PHLPP1: variants seen among roughly 807,000 people sequenced by gnomAD.
PHLPP1 encodes the protein PH domain leucine-rich repeat-containing protein phosphatase 1.
A neutral mutation model predicts 117.2 loss-of-function variants in PHLPP1; 42 were observed. The ratio of observed to expected loss-of-function variants is 0.36; its 90% CI spans 0.28 to 0.46. The LOEUF (loss-of-function observed/expected upper bound fraction) is 0.46. PHLPP1 is among the 20% of genes least tolerant of loss of function. The pLI is 1.00. For missense variants in PHLPP1, 2,084 were observed against 2,241.9 expected (o/e 0.93, Z 1.42); for synonymous variants, 1,042 against 970.7 (o/e 1.07, Z -1.37).
chr18:62,731,499 C>G (rs1157729318), intron 1 of PHLPP1, among the ~76,000 whole-genome samples: 1 of 152,134 alleles, frequency 6.6e-6, no homozygotes, highest in Non-Finnish European at 1.5e-5. Context: ...CCATCTTTTT[C>G]CCTCTCCTGG....
intron 1 of PHLPP1, among the ~76,000 whole-genome samples, chr18:62,810,324 G>A (rs1024020398): frequency 6.6e-6 from 1 of 152,220 alleles, no homozygotes; most frequent in Non-Finnish European, 1.5e-5. Context: ...TTGCTGGTAA[G>A]AAGTGCTTGA....
At position 62,765,984 on chromosome 18, in the gene PHLPP1, C is replaced by T. The variant is rs189479709; in HGVS notation, c.1576+48725C>T. On this transcript the variant is annotated intron_variant, in intron 1 of 16. Coordinates refer to ENST00000262719, the MANE Select transcript of PHLPP1 (RefSeq NM_194449.4). Reference sequence around the variant, plus strand: ...CTGCACTCCAGCCTGGGCGACAGAGCGAGAAGGGGGAGCTTGCAGTGAGCC... The same window carrying T: ...CTGCACTCCAGCCTGGGCGACAGAGTGAGAAGGGGGAGCTTGCAGTGAGCC... Among the ~76,000 whole-genome samples the T allele has an allele frequency of 6.5e-3, 930 of 143,288 alleles. 7 individuals are homozygous for T. Among genetic ancestry groups the T allele is most frequent in the African/African-American group, 0.023 (878 of 38,628 alleles). The allele number at this position is 143,288 out of a possible 152,430, so 94.0% of individuals were successfully genotyped here. A position where few individuals can be genotyped will look rare whatever the true frequency, so the allele number is the denominator to read the frequency against.
chr18:62,767,267 G>A (rs1006402423), intron 1 of PHLPP1, among the ~76,000 whole-genome samples: 2 of 152,172 alleles, frequency 1.3e-5, no homozygotes, highest in Non-Finnish European at 2.9e-5. Flanking sequence ...CACTAAAACC[G>A]AGATTCCTTC....
intron 10 of PHLPP1, among the ~76,000 whole-genome samples, chr18:62,930,146 A>G (rs1909763965): frequency 6.6e-6 from 1 of 152,240 alleles, no homozygotes; most frequent in Non-Finnish European, 1.5e-5. Flanking sequence ...ATAAGTACAA[A>G]GATAACCATA....
chr18:62,963,147 A>C (rs565475041), intron 13 of PHLPP1, among the ~76,000 whole-genome samples: 1 of 152,242 alleles, frequency 6.6e-6, no homozygotes, highest in Admixed American at 6.5e-5. Flanking sequence ...TACGATGCTC[A>C]TTAAAACTAA....
intron 3 of PHLPP1, 47 bp downstream of exon 3, chr18:62,838,956 A>G (rs756049504): frequency 2.5e-6 from 4 of 1,606,124 alleles, no homozygotes; most frequent in South Asian, 2.2e-5. Flanking sequence ...CTAGCTGGCT[A>G]CAAAGTTCCT....
intron 13 of PHLPP1, 45 bp from the exon 14 acceptor site, chr18:62,963,323 A>G (rs931117953): frequency 2.3e-6 from 3 of 1,328,800 alleles, no homozygotes; most frequent in African/African-American, 2.9e-5. Flanking sequence ...ATTTGCACAC[A>G]TTTGGTTTTA....
intron 1 of PHLPP1, among the ~76,000 whole-genome samples, chr18:62,780,470 G>A (rs1006277840): frequency 2.0e-5 from 3 of 152,084 alleles, no homozygotes; most frequent in Admixed American, 2.0e-4. Flanking sequence ...TCCTACTTTA[G>A]CACATCAGTT....
At chr18:62,727,494 A>C (rs919367447) in intron 1 of PHLPP1, among the ~76,000 whole-genome samples, 1 of 151,636 alleles carries the variant, frequency 6.6e-6, no homozygotes, top group Non-Finnish European at 1.5e-5. Context: ...GCATGCTTGT[A>C]GTCCTAGCTA....
chr18:62,715,814 C>A lies in PHLPP1; in HGVS notation c.131C>A (p.Ala44Glu). Residue 44 changes from alanine to glutamate, a missense_variant, in exon 1 of 17, where the codon GCG (alanine) becomes GAG (glutamate). Physicochemically the swap from Ala to Glu is moderately radical, Grantham distance 107. Coordinates refer to ENST00000262719, the MANE Select transcript of PHLPP1 (RefSeq NM_194449.4). Reference sequence around the variant, plus strand: ...GCGGCCGCGGCGGCTCTGGCGGCGGCGGCCGGGGGCGGCCGGAGTCCGGAG... The same window carrying A: ...GCGGCCGCGGCGGCTCTGGCGGCGGAGGCCGGGGGCGGCCGGAGTCCGGAG... Reference protein sequence around the residue: ...AAAAAAALAAAAGGGRSPEPA... With the variant: ...AAAAAAALAAEAGGGRSPEPA... The A allele has an allele frequency of 2.7e-6, 2 of 746,104 alleles. No individual in the cohort carries two copies. The highest frequency in any genetic ancestry group is 3.3e-6 in the Non-Finnish European group (2 of 607,718). The allele number at this position is 746,104 out of a possible 1,614,324, so 46.2% of individuals were successfully genotyped here.
chr18:62,787,999 T>C (rs1913345235), intron 1 of PHLPP1, among the ~76,000 whole-genome samples: 1 of 152,224 alleles, frequency 6.6e-6, no homozygotes, highest in African/African-American at 2.4e-5. Flanking sequence ...TTATTAGACC[T>C]CAATGGCACT....
intron 1 of PHLPP1, among the ~76,000 whole-genome samples, chr18:62,751,784 T>C: frequency 6.6e-6 from 1 of 152,098 alleles, no homozygotes; most frequent in Non-Finnish European, 1.5e-5. Flanking sequence ...ATGTGGGTCT[T>C]TCCCCTCCTC....
At chr18:62,772,431 G>C (rs1166867658) in intron 1 of PHLPP1, among the ~76,000 whole-genome samples, 1 of 152,064 alleles carries the variant, frequency 6.6e-6, no homozygotes, top group Non-Finnish European at 1.5e-5. Context: ...TTAAGATACA[G>C]GAAAAGCGAG....
chr18:62,895,652 C>A, intron 5 of PHLPP1, 129 bp from the exon 6 acceptor site: 1 of 639,998 alleles, frequency 1.6e-6, no homozygotes, highest in Admixed American at 2.7e-5. Context: ...TCAGGCCCTG[C>A]CCTTAGGCAT....
chr18:62,959,558 T>G (rs1379909814), intron 13 of PHLPP1, among the ~76,000 whole-genome samples: 1 of 152,230 alleles, frequency 6.6e-6, no homozygotes, highest in Non-Finnish European at 1.5e-5. Context: ...TAAACTTTTC[T>G]GAATTTTCAG....
intron 12 of PHLPP1, among the ~76,000 whole-genome samples, chr18:62,951,658 G>A (rs1243715291): frequency 6.6e-6 from 1 of 151,676 alleles, no homozygotes; most frequent in Non-Finnish European, 1.5e-5. Context: ...CTCATTTTAT[G>A]TTCTACTTTT....
rs147153096 is a variant in PHLPP1 at position 62,785,721 on chromosome 18, G to A, written c.1577-44314G>A. 4.6e-3 allele frequency among the ~76,000 whole-genome samples: 701 copies of A among 152,276 alleles called. 2 individuals are homozygous for A. Among genetic ancestry groups the A allele is most frequent in the African/African-American group, 7.1e-3 (296 of 41,548 alleles). On this transcript the variant is annotated intron_variant, in intron 1 of 16. Coordinates refer to ENST00000262719, the MANE Select transcript of PHLPP1 (RefSeq NM_194449.4). ...ATTGTTCTTTTCTCGGGTCATTACC[G>A]TTCATGCTGGATTTGGGGCCTAAGT...
intron 4 of PHLPP1, 61 bp downstream of exon 4, chr18:62,860,662 T>G (rs767106617): frequency 1.9e-4 from 247 of 1,308,010 alleles, no homozygotes; most frequent in Non-Finnish European, 2.5e-4. Flanking sequence ...AACTTCTGCT[T>G]GTTATCTCTT....
intron 4 of PHLPP1, among the ~76,000 whole-genome samples, chr18:62,876,612 T>G (rs565922226): frequency 6.6e-5 from 10 of 152,164 alleles, no homozygotes; most frequent in Non-Finnish European, 1.3e-4. Flanking sequence ...ATCATAAAAC[T>G]TTAGGAAGAG....
Sources: allele counts gnomAD v4.1 joint callset (sites outside exome capture counted in the v4.1 genomes callset), GRCh38; gene constraint gnomAD v4.1.1; transcripts MANE v1.5; gene names NCBI Gene and HGNC (gene_info 2026-07-23, HGNC 2026-07-21).